Variants in AIG1 observed in about 807,000 individuals in gnomAD.
AIG1 encodes androgen-induced gene 1 protein.
A neutral mutation model predicts 31.4 loss-of-function variants in AIG1; 23 were observed. The observed-to-expected ratio is 0.73, with a 90% CI of 0.53 to 1.04. The LOEUF (loss-of-function observed/expected upper bound fraction) is 1.04, where lower values mean the gene tolerates loss of function less well. Among genes scored for constraint, AIG1 ranks in the 50% least tolerant of loss-of-function variants. The probability of loss-of-function intolerance (pLI) is 0.00; values close to 1 mark genes in which losing one functional copy is unlikely to be tolerated. For synonymous variants in AIG1, 100 were observed against 110.5 expected (o/e 0.90, Z 0.60); for missense variants, 274 against 295.0 (o/e 0.93, Z 0.52).
At chr6:143,282,576 T>A (rs1797409707) in intron 3 of AIG1, among the ~76,000 whole-genome samples, 1 of 152,148 alleles carries the variant, frequency 6.6e-6, no homozygotes, top group African/African-American at 2.4e-5. Context: ...TTTAAAAAAA[T>A]AGTAATAAAG....
At chr6:143,093,518 T>C (rs1037640815) in intron 1 of AIG1, among the ~76,000 whole-genome samples, 2 of 152,228 alleles carry the variant, frequency 1.3e-5, no homozygotes, top group Non-Finnish European at 2.9e-5. Context: ...TTCTTTTTTA[T>C]CATTTCAGTG....
intron 3 of AIG1, among the ~76,000 whole-genome samples, chr6:143,218,449 C>G (rs932773823): frequency 6.6e-6 from 1 of 152,182 alleles, no homozygotes; most frequent in Non-Finnish European, 1.5e-5. Context: ...TCATATGTTT[C>G]CCATCGTTAC....
chr6:143,271,973 A>G (rs1260864395), intron 3 of AIG1, among the ~76,000 whole-genome samples: 3 of 152,220 alleles, frequency 2.0e-5, no homozygotes, highest in African/African-American at 7.2e-5. Flanking sequence ...AGGTTCCTTC[A>G]ACAAAAGCTT....
intron 1 of AIG1, among the ~76,000 whole-genome samples, chr6:143,124,555 C>T (rs1300129981): frequency 6.6e-6 from 1 of 152,192 alleles, no homozygotes; most frequent in Non-Finnish European, 1.5e-5. Flanking sequence ...TGTGGCTCTT[C>T]CAGCAGGCTG....
intron 3 of AIG1, among the ~76,000 whole-genome samples, chr6:143,269,173 A>G (rs1034651978): frequency 3.3e-5 from 5 of 152,214 alleles, no homozygotes; most frequent in Non-Finnish European, 5.9e-5. Flanking sequence ...GCTGATTTCC[A>G]TCTCAGAATC....
At chr6:143,147,637 A>G (rs1471616408) in intron 2 of AIG1, among the ~76,000 whole-genome samples, 2 of 152,162 alleles carry the variant, frequency 1.3e-5, no homozygotes, top group African/African-American at 2.4e-5. Flanking sequence ...TCATTAATAA[A>G]GCAACGTTTT....
intron 4 of AIG1, among the ~76,000 whole-genome samples, chr6:143,301,799 A>C (rs531590179): frequency 6.6e-6 from 1 of 152,342 alleles, no homozygotes; most frequent in East Asian, 1.9e-4. Flanking sequence ...CACAGAGCCA[A>C]ACCATATCAG....
intron 3 of AIG1, among the ~76,000 whole-genome samples, chr6:143,262,030 T>C (rs1795815698): frequency 1.3e-5 from 2 of 152,228 alleles, no homozygotes; most frequent in Admixed American, 1.3e-4. Flanking sequence ...TAAATAGAAT[T>C]GGAAGACATA....
intron 3 of AIG1, among the ~76,000 whole-genome samples, chr6:143,197,519 C>G (rs1399580375): frequency 6.6e-6 from 1 of 152,182 alleles, no homozygotes; most frequent in Non-Finnish European, 1.5e-5. Context: ...TCCTTATACT[C>G]ATTTCTCTTT....
rs374002480 is a variant in AIG1, at chr6:143,117,041, C to A, written c.142-19794C>A. 3.3e-5 allele frequency among the ~76,000 whole-genome samples: 5 copies of A among 152,120 alleles called. No individual in the cohort carries two copies. In the East Asian group the frequency reaches 7.8e-4, roughly 24 times the overall value. Reference sequence around the variant, plus strand: ...CAGAACACACATTCAGTGTGTCTGCCGTACAGGGTCTTTCTCAGGGTGTGC... The same window carrying A: ...CAGAACACACATTCAGTGTGTCTGCAGTACAGGGTCTTTCTCAGGGTGTGC... On this transcript the variant is annotated intron_variant, in intron 1 of 5. Transcript: ENST00000357847.
At chr6:143,140,409 C>A (rs570908509) in intron 2 of AIG1, among the ~76,000 whole-genome samples, 1 of 152,284 alleles carries the variant, frequency 6.6e-6, no homozygotes, top group Non-Finnish European at 1.5e-5. Flanking sequence ...CCTTTCCTTT[C>A]CAAGGTGCTC....
At chr6:143,255,709 GC>G (rs1216334676) in intron 3 of AIG1, among the ~76,000 whole-genome samples, 4 of 152,130 alleles carry the variant, frequency 2.6e-5, no homozygotes, top group Non-Finnish European at 5.9e-5. Flanking sequence ...GAGAGTATAT[GC>G]CTATATGGAT....
At chr6:143,160,751 G>C (rs1208573824) in intron 2 of AIG1, among the ~76,000 whole-genome samples, 1 of 152,136 alleles carries the variant, frequency 6.6e-6, no homozygotes, top group Non-Finnish European at 1.5e-5. Flanking sequence ...TATCAGTGCA[G>C]GAAGCCAAGA....
intron 4 of AIG1, among the ~76,000 whole-genome samples, chr6:143,317,879 T>A (rs1775895125): frequency 6.6e-6 from 1 of 151,966 alleles, no homozygotes; most frequent in Admixed American, 6.6e-5. Context: ...AATCAAGAAC[T>A]CAACCCATTT....
intron 4 of AIG1, among the ~76,000 whole-genome samples, chr6:143,310,617 G>A (rs192440174): frequency 4.7e-5 from 7 of 150,316 alleles, no homozygotes; most frequent in East Asian, 2.0e-4. Context: ...AAAAATTAAA[G>A]AAGAAATAAA....
At chr6:143,179,305 T>C (rs1320224241) in intron 3 of AIG1, among the ~76,000 whole-genome samples, 1 of 152,230 alleles carries the variant, frequency 6.6e-6, no homozygotes, top group Non-Finnish European at 1.5e-5. Flanking sequence ...TGTTGAGATC[T>C]GTATAATTAA....
chr6:143,261,230 G>A (rs1795758830), intron 3 of AIG1, among the ~76,000 whole-genome samples: 1 of 152,130 alleles, frequency 6.6e-6, no homozygotes, highest in Non-Finnish European at 1.5e-5. Context: ...CTCCCGGGTT[G>A]AAGCGATTCT....
chr6:143,078,179 C>T (rs1285819554), intron 1 of AIG1, among the ~76,000 whole-genome samples: 1 of 152,070 alleles, frequency 6.6e-6, no homozygotes, highest in Non-Finnish European at 1.5e-5. Context: ...TTTAAATTTC[C>T]AATATTGTGT....
chr6:143,301,602 A>G (rs1029930150), intron 4 of AIG1, among the ~76,000 whole-genome samples: 2 of 152,242 alleles, frequency 1.3e-5, no homozygotes, highest in African/African-American at 2.4e-5. Flanking sequence ...CCTTCTTCAC[A>G]TGGCGGCAGC....
Sources: gnomAD v4.1 joint callset for allele counts (sites outside exome capture counted in the v4.1 genomes callset) on GRCh38, gnomAD v4.1.1 for gene constraint, MANE v1.5 for transcripts, NCBI Gene and HGNC (gene_info 2026-07-23, HGNC 2026-07-21) for gene names.